ACADS: variants seen among roughly 807,000 people sequenced by gnomAD.
ACADS encodes short-chain specific acyl-CoA dehydrogenase, mitochondrial.
A neutral mutation model predicts 46.8 loss-of-function variants in ACADS; 28 were observed. The observed-to-expected ratio is 0.60, with a 90% confidence interval of 0.44 to 0.82. ACADS has a LOEUF of 0.82. Among genes scored for constraint, ACADS ranks in the 40% least tolerant of loss-of-function variants. The pLI is 0.00. For missense variants in ACADS, 528 were observed against 578.0 expected, an observed-to-expected ratio of 0.91 and a Z score of 0.89; for synonymous variants, 236 against 237.7, an observed-to-expected ratio of 0.99 and a Z score of 0.07.
chr12:120,737,944 G>C lies in ACADS; in HGVS notation c.580G>C (p.Ala194Pro). Residue 194 changes from alanine (A) to proline (P), a missense_variant, in exon 5 of 10, where the codon GCT becomes CCT. By Grantham distance (27) the Ala-to-Pro change is conservative (BLOSUM62 -1). Coordinates refer to ENST00000242592, the MANE Select transcript of ACADS (RefSeq NM_000017.4). ...GATCACCAATGCCTGGGAGGCTTCGGCTGCCGTGGTCTTTGCCAGCACGGA... is the reference window on the plus strand; with the variant it reads ...GATCACCAATGCCTGGGAGGCTTCGCCTGCCGTGGTCTTTGCCAGCACGGA... ...AWITNAWEAS[A>P]AVVFASTDRA... is the part of the protein sequence containing the mutation. 1 of 1,614,116 alleles carries C rather than the reference G, an allele frequency of 6.2e-7. No individual in the cohort carries two copies. The highest frequency in any genetic ancestry group is 8.5e-7 in the Non-Finnish European group (1 of 1,180,042).
At chr12:120,731,303 C>T (rs1043668520) in intron 2 of ACADS, among the ~76,000 whole-genome samples, 1 of 151,904 alleles carries the variant, frequency 6.6e-6, no homozygotes, top group African/African-American at 2.4e-5. Context: ...CTTTTAGAAA[C>T]AGGGGTATCA....
chr12:120,737,640 TC>T, intron 4 of ACADS, 173 bp downstream of exon 4: 1 of 1,052,528 alleles, frequency 9.5e-7, no homozygotes, highest in African/African-American at 1.6e-5. Context: ...GCCTTCGGGG[TC>T]CCCTGGTTTA....
chr12:120,733,873 AAAAAC>A (rs1883350386), intron 2 of ACADS, among the ~76,000 whole-genome samples: 1 of 151,738 alleles, frequency 6.6e-6, no homozygotes, highest in Admixed American at 6.6e-5. Context: ...AAAAAATAGA[AAAAAC>A]AAAACCAAAC....
chr12:120,730,895 G>C (rs1185550420), intron 2 of ACADS, among the ~76,000 whole-genome samples: 1 of 152,166 alleles, frequency 6.6e-6, no homozygotes, highest in East Asian at 1.9e-4. Context: ...AAAGGCTTTT[G>C]GTGAGGTTCA....
At position 120,737,943 on chromosome 12, in the gene ACADS, G is replaced by A. The variant is rs777162096; in HGVS notation, c.579G>A (p.Ser193=). ...GGATCACCAATGCCTGGGAGGCTTC[G>A]GCTGCCGTGGTCTTTGCCAGCACGG... ...KAWITNAWEA[S]AAVVFASTDR... The change falls in exon 5 of 10, where the codon TCG becomes TCA. Residue 193 remains serine (S), a synonymous_variant. Transcript: ENST00000242592. 16 of 1,614,088 alleles carry A rather than the reference G, an allele frequency of 9.9e-6. No individual in the cohort carries two copies. Among genetic ancestry groups the A allele is most frequent in the Middle Eastern group, 1.6e-4 (1 of 6,062 alleles).
chr12:120,732,011 A>G (rs1201858758), intron 2 of ACADS, among the ~76,000 whole-genome samples: 2 of 152,392 alleles, frequency 1.3e-5, no homozygotes, highest in East Asian at 3.9e-4. Context: ...GTACAGAACG[A>G]AATGAAGTCT....
Position 120,738,286 on chromosome 12 carries a change from A to T in ACADS, c.631A>T (p.Ser211Cys), listed in dbSNP as rs896559349. ...CACCCGCCTCTCCTTTCAGGGCATC[A>T]GTGCCTTCCTGGTCCCCATGCCAAC... ...TDRALQNKGI[S>C]AFLVPMPTPG... is the part of the protein sequence containing the mutation. The change falls in exon 6 of 10, where the codon AGT becomes TGT. Residue 211 changes from serine (S) to cysteine (C), a missense_variant. Physicochemically the swap from Ser to Cys is moderately radical, Grantham distance 112 (BLOSUM62 -1). Transcript: ENST00000242592. 1 of 1,614,042 alleles carries T rather than the reference A, an allele frequency of 6.2e-7. No homozygotes were observed. The highest frequency in any genetic ancestry group is 8.5e-7 in the Non-Finnish European group (1 of 1,180,030).
chr12:120,729,586 C>T (rs1202740186), intron 2 of ACADS, among the ~76,000 whole-genome samples: 7 of 152,184 alleles, frequency 4.6e-5, no homozygotes, highest in Middle Eastern at 3.4e-3. Flanking sequence ...TTGACTGTCT[C>T]GTCTCTTCCC....
At chr12:120,731,716 T>A (rs1421907892) in intron 2 of ACADS, among the ~76,000 whole-genome samples, 2 of 151,926 alleles carry the variant, frequency 1.3e-5, no homozygotes, top group Non-Finnish European at 1.5e-5. Flanking sequence ...AGGACAATAG[T>A]GGAGGGAAGG....
chr12:120,739,567 C>A lies in ACADS; in HGVS notation c.*119C>A. The A allele has an allele frequency of 8.5e-7, 1 of 1,180,924 alleles. No homozygotes were observed. The highest frequency in any genetic ancestry group is 1.2e-6 in the Non-Finnish European group (1 of 837,750). The allele number at this position is 1,180,924 out of a possible 1,614,324, so 73.2% of individuals were successfully genotyped here. ...GCTCCCTGGGGACCCCAGATGGGCT[C>A]AGTGCTGCCACCCAGATCAGATCAC... On this transcript the variant is annotated 3_prime_UTR_variant, in exon 10 of 10. Coordinates refer to ENST00000242592, the MANE Select transcript of ACADS (RefSeq NM_000017.4).
intron 2 of ACADS, among the ~76,000 whole-genome samples, chr12:120,730,898 G>A (rs1459996412): frequency 6.6e-6 from 1 of 152,176 alleles, no homozygotes; most frequent in Non-Finnish European, 1.5e-5. Context: ...GGCTTTTGGT[G>A]AGGTTCATGC....
intron 2 of ACADS, among the ~76,000 whole-genome samples, chr12:120,731,878 G>A (rs1592935847): frequency 1.3e-5 from 2 of 152,106 alleles, no homozygotes; most frequent in African/African-American, 2.4e-5. Context: ...GTTTAACAAA[G>A]CACATCTTGC....
At chr12:120,737,236 G>T in intron 3 of ACADS, 101 bp downstream of exon 3, 2 of 1,532,054 alleles carry the variant, frequency 1.3e-6, no homozygotes, top group South Asian at 2.4e-5. Flanking sequence ...CTCTGGAGAC[G>T]TCACAGGCCT....
In ACADS at chr12:120,739,822, G is replaced by A. The variant is rs1019054605; in HGVS notation, c.*374G>A. On this transcript the variant is annotated 3_prime_UTR_variant, in exon 10 of 10. Transcript: ENST00000242592. ...TGGTGGGGTCTGTCTTTTCCTTGAG[G>A]TCAGAGGTCAGGAGCAGGGCTGGGG... The A allele has an allele frequency of 2.1e-5, 6 of 285,412 alleles. No homozygotes were observed. In the East Asian group the frequency reaches 4.9e-4, roughly 23 times the overall value. 17.7% of individuals were successfully genotyped at this position (285,412 alleles called of 1,614,324 possible). A position where few individuals can be genotyped will look rare whatever the true frequency, so the allele number is the denominator to read the frequency against.
chr12:120,734,753 A>ATTT (rs34601782), intron 2 of ACADS, among the ~76,000 whole-genome samples: 35,404 of 136,738 alleles, frequency 0.26, 4,977 homozygotes, highest in Middle Eastern at 0.37. Flanking sequence ...AAAAACAATA[A>ATTT]TTTTTTTTTT....
Position 120,738,284 on chromosome 12 carries a change from T to G in ACADS, c.629T>G (p.Ile210Ser). Residue 210 changes from isoleucine to serine, a missense_variant, in exon 6 of 10, where the codon ATC becomes AGC. Physicochemically the swap from Ile to Ser is moderately radical, Grantham distance 142. Coordinates refer to ENST00000242592, the MANE Select transcript of ACADS (RefSeq NM_000017.4). Reference protein sequence around the residue: ...STDRALQNKGISAFLVPMPTP... With the variant: ...STDRALQNKGSSAFLVPMPTP... Reference sequence around the variant, plus strand: ...ACCACCCGCCTCTCCTTTCAGGGCATCAGTGCCTTCCTGGTCCCCATGCCA... The same window carrying G: ...ACCACCCGCCTCTCCTTTCAGGGCAGCAGTGCCTTCCTGGTCCCCATGCCA... 1 of 1,614,148 alleles carries G rather than the reference T, an allele frequency of 6.2e-7. No homozygotes were observed. The highest frequency in any genetic ancestry group is 8.5e-7 in the Non-Finnish European group (1 of 1,180,014).
intron 7 of ACADS, 71 bp from the exon 8 acceptor site, chr12:120,738,749 C>G: frequency 2.5e-6 from 4 of 1,610,724 alleles, no homozygotes; most frequent in Non-Finnish European, 3.4e-6. Flanking sequence ...TGCTCTCCGT[C>G]CTCCTCCCCC....
intron 4 of ACADS, 129 bp downstream of exon 4, chr12:120,737,596 G>T: frequency 1.8e-6 from 2 of 1,109,526 alleles, no homozygotes; most frequent in African/African-American, 3.1e-5. Context: ...GGTAGGGTGA[G>T]CGCTCTTGCC....
rs1883379546 is a variant in ACADS at position 120,734,942 on chromosome 12, T to C, written c.211-2044T>C. On this transcript the variant is annotated intron_variant, in intron 2 of 9. Coordinates refer to ENST00000242592, the MANE Select transcript of ACADS (RefSeq NM_000017.4). ...AGTTTTTATATTTTTGGTAGAGATATGGTTTCACCACGTTGGCCAGGCTGG... is the reference window on the plus strand; with the variant it reads ...AGTTTTTATATTTTTGGTAGAGATACGGTTTCACCACGTTGGCCAGGCTGG... Among the ~76,000 whole-genome samples, 3 of 150,764 alleles carry C rather than the reference T, an allele frequency of 2.0e-5. No homozygotes were observed. In the South Asian group the frequency reaches 6.3e-4, roughly 32 times the overall value.
Sources: allele counts gnomAD v4.1 joint callset (sites outside exome capture counted in the v4.1 genomes callset), GRCh38; gene constraint gnomAD v4.1.1; transcripts MANE v1.5; gene names NCBI Gene and HGNC (gene_info 2026-07-23, HGNC 2026-07-21).